COLGALT2: variants seen among roughly 807,000 people sequenced by gnomAD.
COLGALT2 encodes collagen beta(1-O)galactosyltransferase 2, also known as procollagen galactosyltransferase 2.
A neutral mutation model predicts 73.4 loss-of-function variants in COLGALT2; 49 were observed. The ratio of observed to expected loss-of-function variants is 0.67; its 90% CI spans 0.53 to 0.85. The LOEUF (loss-of-function observed/expected upper bound fraction) is 0.85. Among genes scored for constraint, COLGALT2 ranks in the 40% least tolerant of loss-of-function variants. The pLI is 0.00. For missense variants in COLGALT2, 722 were observed against 790.2 expected, an observed-to-expected ratio of 0.91 and a Z score of 1.03; for synonymous variants, 295 against 307.6, an observed-to-expected ratio of 0.96 and a Z score of 0.43.
chr1:184,013,731 T>C (rs1303947399), intron 1 of COLGALT2, among the ~76,000 whole-genome samples: 1 of 148,188 alleles, frequency 6.7e-6, no homozygotes, highest in Non-Finnish European at 1.5e-5. Flanking sequence ...GTGTGTATAA[T>C]GGATGAATTG....
chr1:183,944,066 A>T (rs1670183666), intron 10 of COLGALT2, 130 bp downstream of exon 10: 1 of 1,110,982 alleles, frequency 9.0e-7, no homozygotes, highest in Non-Finnish European at 1.2e-6. Context: ...GAGAACATTT[A>T]TGGAAAGAAA....
chr1:184,035,681 A>C (rs1245984743), intron 1 of COLGALT2, among the ~76,000 whole-genome samples: 1 of 152,238 alleles, frequency 6.6e-6, no homozygotes, highest in East Asian at 1.9e-4. Context: ...TAAATCATGC[A>C]TAAAGATCAA....
intron 1 of COLGALT2, among the ~76,000 whole-genome samples, chr1:183,992,825 C>T (rs1671665486): frequency 6.6e-6 from 1 of 152,168 alleles, no homozygotes; most frequent in South Asian, 2.1e-4. Flanking sequence ...GTAAAATCCC[C>T]CAGTTATATG....
downstream of COLGALT2, among the ~76,000 whole-genome samples, chr1:183,934,098 A>C (rs1418592589): frequency 6.6e-6 from 1 of 152,190 alleles, no homozygotes; most frequent in Non-Finnish European, 1.5e-5. Flanking sequence ...TCTTCTGCCC[A>C]GCAACAAAGT....
intron 1 of COLGALT2, among the ~76,000 whole-genome samples, chr1:184,032,517 C>G (rs1649545379): frequency 6.6e-6 from 1 of 152,280 alleles, no homozygotes; most frequent in South Asian, 2.1e-4. Flanking sequence ...ATGCTCTAGT[C>G]TATCTGACCC....
chr1:184,011,902 G>A (rs899998089), intron 1 of COLGALT2, among the ~76,000 whole-genome samples: 3 of 152,120 alleles, frequency 2.0e-5, no homozygotes, highest in African/African-American at 7.2e-5. Context: ...CTCTGCACTC[G>A]CACTGGCTTT....
chr1:183,940,335 A>G (rs892923658), intron 11 of COLGALT2, among the ~76,000 whole-genome samples: 19 of 152,322 alleles, frequency 1.2e-4, no homozygotes, highest in South Asian at 6.2e-4. Flanking sequence ...AGCACATTAC[A>G]TTCAGTTCAA....
intron 5 of COLGALT2, 139 bp from the exon 6 acceptor site, chr1:183,964,159 T>C: frequency 6.0e-6 from 5 of 830,278 alleles, no homozygotes; most frequent in Non-Finnish European, 5.3e-6. Flanking sequence ...GGTATGTCTA[T>C]AGACCTAAAA....
intron 1 of COLGALT2, among the ~76,000 whole-genome samples, chr1:183,984,731 C>T (rs1400906900): frequency 1.3e-5 from 2 of 152,206 alleles, no homozygotes; most frequent in African/African-American, 4.8e-5. Flanking sequence ...ATCTGCTTTC[C>T]CTCTGATTCT....
At chr1:183,979,862 T>C (rs1397196256) in intron 1 of COLGALT2, among the ~76,000 whole-genome samples, 3 of 152,176 alleles carry the variant, frequency 2.0e-5, no homozygotes, top group African/African-American at 7.2e-5. Flanking sequence ...CTGCTAGCAC[T>C]GACCAACAAT....
At chr1:183,944,362 T>A (rs1670193874) in intron 9 of COLGALT2, 39 bp from the exon 10 acceptor site, 1 of 1,580,988 alleles carries the variant, frequency 6.3e-7, no homozygotes, top group Non-Finnish European at 8.6e-7. Flanking sequence ...CTATGAAAAG[T>A]TTGAAACCCA....
In COLGALT2 at chr1:183,969,071, G is replaced by A. The variant is rs111650601; in HGVS notation, c.832+198C>T. Among the ~76,000 whole-genome samples, 709 of 152,140 alleles carry A rather than the reference G, an allele frequency of 4.7e-3. 9 individuals carry two copies. Among genetic ancestry groups the A allele is most frequent in the African/African-American group, 0.016 (680 of 41,500 alleles). ...AAAATAGAGTGGGTTCCTGGGTAGA[G>A]GCCAGCCCTGGCTCTTGGTCATTGG... On this transcript the variant is annotated intron_variant, in intron 5 of 11. Coordinates refer to ENST00000361927, the MANE Select transcript of COLGALT2 (RefSeq NM_015101.4).
chr1:183,997,915 T>A (rs1289402187), intron 1 of COLGALT2, among the ~76,000 whole-genome samples: 3 of 152,244 alleles, frequency 2.0e-5, no homozygotes, highest in African/African-American at 7.2e-5. Context: ...TATTTGACTG[T>A]CAGTGGACAT....
At position 184,037,377 on chromosome 1, in the gene COLGALT2, G is replaced by C. The variant is rs1649725489; in HGVS notation, c.-20C>G. The stretch of plus-strand genomic sequence containing the variant: ...AGCCATGTTCCGGGCCGAGGCGGGC[G>C]GCGGGGAAGTCCTGGCGCGAGCGCC... On this transcript the variant is annotated 5_prime_UTR_variant, in exon 1 of 12. Transcript: ENST00000361927. 2 of 1,393,362 alleles carry C rather than the reference G, an allele frequency of 1.4e-6. No individual in the cohort carries two copies. Among genetic ancestry groups the C allele is most frequent in the African/African-American group, 1.5e-5 (1 of 66,784 alleles). 86.3% of individuals were successfully genotyped at this position (1,393,362 alleles called of 1,614,324 possible).
At chr1:184,011,084 A>G (rs977233191) in intron 1 of COLGALT2, among the ~76,000 whole-genome samples, 1 of 152,224 alleles carries the variant, frequency 6.6e-6, no homozygotes, top group Non-Finnish European at 1.5e-5. Flanking sequence ...GCAATCTACC[A>G]AAGAGGCTAA....
chr1:183,963,444 G>A (rs1670773221), intron 6 of COLGALT2, among the ~76,000 whole-genome samples: 1 of 152,090 alleles, frequency 6.6e-6, no homozygotes, highest in African/African-American at 2.4e-5. Context: ...TACATCATGA[G>A]CTATTATTAA....
chr1:184,035,441 G>T (rs547039694), intron 1 of COLGALT2, among the ~76,000 whole-genome samples: 7 of 152,180 alleles, frequency 4.6e-5, no homozygotes, highest in Admixed American at 4.6e-4. Flanking sequence ...GGTGGCCTTG[G>T]GTTCAAATTC....
In COLGALT2 at chr1:183,938,871, G is replaced by A; in HGVS notation, c.1771C>T (p.His591Tyr). ...CTTTGCTTCCGGGACTTCCAGGCAT[G>A]TGTCCTATCCCAGTCGGTGGCCACT... ...ETVATDWDRT[H>Y]AWKSRKQSRI... Residue 591 changes from histidine (H) to tyrosine (Y), a missense_variant, in exon 12 of 12, where the codon CAT (histidine) becomes TAT (tyrosine). Coordinates refer to ENST00000361927, the MANE Select transcript of COLGALT2 (RefSeq NM_015101.4). 2 of 1,614,188 alleles carry A rather than the reference G, an allele frequency of 1.2e-6. No homozygotes were observed. Among genetic ancestry groups the A allele is most frequent in the Non-Finnish European group, 8.5e-7 (1 of 1,180,040 alleles).
At chr1:183,980,302 C>A (rs991097673) in intron 1 of COLGALT2, among the ~76,000 whole-genome samples, 3 of 151,982 alleles carry the variant, frequency 2.0e-5, no homozygotes, top group Admixed American at 6.6e-5. Context: ...AATGCTACTT[C>A]TTTGAGAAAG....
Sources: allele counts gnomAD v4.1 joint callset (sites outside exome capture counted in the v4.1 genomes callset), GRCh38; gene constraint gnomAD v4.1.1; transcripts MANE v1.5; gene names NCBI Gene and HGNC (gene_info 2026-07-23, HGNC 2026-07-21).